The following CSNK1G3 variants were observed in gnomAD, a reference collection of about 807,000 sequenced individuals.
CSNK1G3 encodes the protein casein kinase I isoform gamma-3.
CSNK1G3 carries 23 observed loss-of-function variants against 64.3 expected under a neutral mutation model. That is an observed-to-expected ratio of 0.36 (90% CI 0.26 to 0.51). The LOEUF (loss-of-function observed/expected upper bound fraction) is 0.51, where lower values mean the gene tolerates loss of function less well. Among genes scored for constraint, CSNK1G3 ranks in the 20% least tolerant of loss-of-function variants. The pLI is 0.96. For synonymous variants in CSNK1G3, 158 were observed against 162.2 expected (o/e 0.97, Z 0.20); for missense variants, 357 against 510.5 (o/e 0.70, Z 2.90).
In CSNK1G3 at chr5:123,609,252, A is replaced by G. The variant is rs531490903; in HGVS notation, c.1217+3890A>G. Among the ~76,000 whole-genome samples the G allele has an allele frequency of 2.2e-4, 33 of 152,320 alleles. 1 individual carries two copies. The South Asian group carries it at 2.5e-3, about 11-fold the overall frequency. ...ACATGTGGTTTTAAGCCAAGAAACA[A>G]TATGATCAGGTTGATCCTTAGGAAA... On this transcript the variant is annotated intron_variant, in intron 12 of 12. Coordinates refer to ENST00000345990, the Ensembl canonical transcript of CSNK1G3.
intron 1 of CSNK1G3, among the ~76,000 whole-genome samples, chr5:123,529,249 G>A (rs544704873): frequency 6.6e-5 from 10 of 152,280 alleles, no homozygotes; most frequent in South Asian, 6.2e-4. Flanking sequence ...ACAAAGTTAC[G>A]TATTGATTGG....
intron 10 of CSNK1G3, among the ~76,000 whole-genome samples, chr5:123,603,403 A>G (rs1794814509): frequency 6.6e-6 from 1 of 152,082 alleles, no homozygotes; most frequent in African/African-American, 2.4e-5. Context: ...ATTCATGCAT[A>G]CATGCATTCA....
At chr5:123,514,931 C>G (rs1198583964) in intron 1 of CSNK1G3, among the ~76,000 whole-genome samples, 1 of 151,770 alleles carries the variant, frequency 6.6e-6, no homozygotes, top group Admixed American at 6.6e-5. Flanking sequence ...AGATCGTAGG[C>G]TGACAGTAGG....
At position 123,590,449 on chromosome 5, in the gene CSNK1G3, A is replaced by AT; in HGVS notation, c.888dup (p.Glu297Ter). On this transcript the variant is annotated frameshift_variant, in exon 9 of 13. Coordinates refer to ENST00000345990, the Ensembl canonical transcript of CSNK1G3. LOFTEE classifies it high-confidence loss of function. ...TATCTTCGTTATGTAAGAAGGCTAG[A>AT]TTTTTTTGAAAAACCAGACTATGAC... 6 of 1,513,294 alleles carry AT rather than the reference A, an allele frequency of 4.0e-6. No individual in the cohort carries two copies. The highest frequency in any genetic ancestry group is 1.3e-5 in the South Asian group (1 of 75,662). The allele number at this position is 1,513,294 out of a possible 1,614,324, so 93.7% of individuals were successfully genotyped here. A position where few individuals can be genotyped will look rare whatever the true frequency, so the allele number is the denominator to read the frequency against.
At chr5:123,604,209 A>G (rs1794958411) in intron 10 of CSNK1G3, among the ~76,000 whole-genome samples, 1 of 152,122 alleles carries the variant, frequency 6.6e-6, no homozygotes, top group Non-Finnish European at 1.5e-5. Context: ...GAGGAATCAC[A>G]GTGACCCCTA....
intron 1 of CSNK1G3, among the ~76,000 whole-genome samples, chr5:123,520,282 A>G (rs1159735401): frequency 6.6e-6 from 1 of 152,192 alleles, no homozygotes; most frequent in African/African-American, 2.4e-5. Flanking sequence ...GTATACATAG[A>G]TACATATATG....
chr5:123,557,356 A>G (rs757264450), intron 3 of CSNK1G3, 139 bp from the exon 4 acceptor site: 2 of 619,842 alleles, frequency 3.2e-6, no homozygotes, highest in Non-Finnish European at 5.7e-6. Context: ...TGATTTTTAT[A>G]TGAATCTAAT....
chr5:123,551,263 C>G (rs148820206), intron 2 of CSNK1G3, among the ~76,000 whole-genome samples: 3 of 152,252 alleles, frequency 2.0e-5, no homozygotes, highest in African/African-American at 7.2e-5. Context: ...TATTTACTGC[C>G]AAGTTTACTA....
At chr5:123,559,974 A>T (rs1056985783) in intron 4 of CSNK1G3, among the ~76,000 whole-genome samples, 3 of 152,142 alleles carry the variant, frequency 2.0e-5, no homozygotes, top group Non-Finnish European at 4.4e-5. Context: ...CTCTTTAAAA[A>T]TAGATATATT....
At chr5:123,534,052 GAA>G (rs1049999687) in intron 1 of CSNK1G3, among the ~76,000 whole-genome samples, 2 of 151,876 alleles carry the variant, frequency 1.3e-5, no homozygotes, top group Non-Finnish European at 2.9e-5. Context: ...TTTAGAGATA[GAA>G]AGAACTCATT....
At chr5:123,534,076 A>G (rs902608870) in intron 1 of CSNK1G3, among the ~76,000 whole-genome samples, 1 of 151,928 alleles carries the variant, frequency 6.6e-6, no homozygotes, top group African/African-American at 2.4e-5. Flanking sequence ...ATTCATCTAC[A>G]GTATGTATTA....
intron 2 of CSNK1G3, among the ~76,000 whole-genome samples, chr5:123,551,685 A>T (rs1038827041): frequency 6.6e-5 from 10 of 152,284 alleles, no homozygotes; most frequent in Admixed American, 4.6e-4. Context: ...GCTGTATGGA[A>T]GGAGGTTCAG....
At chr5:123,573,341 C>A in intron 4 of CSNK1G3, 52 bp from the exon 5 acceptor site, 3 of 1,553,546 alleles carry the variant, frequency 1.9e-6, no homozygotes, top group Non-Finnish European at 2.7e-6. Flanking sequence ...AAGAGGAAAA[C>A]CTTAGTATTT....
At chr5:123,595,810 C>G (rs903508106) in intron 10 of CSNK1G3, among the ~76,000 whole-genome samples, 1 of 151,786 alleles carries the variant, frequency 6.6e-6, no homozygotes, top group African/African-American at 2.4e-5. Flanking sequence ...CTCCGTTGCC[C>G]CATAAATTTT....
At chr5:123,548,801 T>A (rs1269705330) in intron 2 of CSNK1G3, among the ~76,000 whole-genome samples, 1 of 151,770 alleles carries the variant, frequency 6.6e-6, no homozygotes, top group Non-Finnish European at 1.5e-5. Flanking sequence ...TTAAGATGGG[T>A]TTACATCCTG....
At chr5:123,572,997 G>T (rs752703075) in intron 4 of CSNK1G3, among the ~76,000 whole-genome samples, 1 of 152,200 alleles carries the variant, frequency 6.6e-6, no homozygotes, top group African/African-American at 2.4e-5. Context: ...TTAGCAGTAT[G>T]CCTATCACAT....
chr5:123,522,012 CCTT>C (rs1336793720), intron 1 of CSNK1G3, among the ~76,000 whole-genome samples: 17 of 152,248 alleles, frequency 1.1e-4, no homozygotes, highest in Middle Eastern at 3.4e-3. Flanking sequence ...ACTAATTTCT[CCTT>C]CTTTTTACAC....
chr5:123,533,333 T>C (rs1780246593), intron 1 of CSNK1G3, among the ~76,000 whole-genome samples: 1 of 151,956 alleles, frequency 6.6e-6, no homozygotes, highest in Non-Finnish European at 1.5e-5. Flanking sequence ...ACTTTTATCT[T>C]GCATTTTTTC....
At chr5:123,616,049 G>GTT (rs1749394680) in exon 13 of CSNK1G3, 1 of 151,892 alleles carries the variant, frequency 6.6e-6, no homozygotes. Flanking sequence ...TCAGGACATT[G>GTT]TTTATCATTG....
Sources: gnomAD v4.1 joint callset for allele counts (sites outside exome capture counted in the v4.1 genomes callset) on GRCh38, gnomAD v4.1.1 for gene constraint, MANE v1.5 for transcripts, NCBI Gene and HGNC (gene_info 2026-07-23, HGNC 2026-07-21) for gene names.